The following PARD3 variants were observed in gnomAD, a reference collection of about 807,000 sequenced individuals.
PARD3 encodes the protein par-3 family cell polarity regulator.
PARD3 carries 75 observed loss-of-function variants against 155.4 expected under a neutral mutation model. The ratio of observed to expected loss-of-function variants is 0.48; its 90% CI spans 0.40 to 0.58. The LOEUF (loss-of-function observed/expected upper bound fraction) is 0.58. Among genes scored for constraint, PARD3 ranks in the 20% least tolerant of loss-of-function variants. PARD3 has a pLI of 0.00. For missense variants in PARD3, 1,642 were observed against 1,721.7 expected, an observed-to-expected ratio of 0.95 and a Z score of 0.82; for synonymous variants, 576 against 610.5, an observed-to-expected ratio of 0.94 and a Z score of 0.83.
chr10:34,545,591 G>A (rs2083979655), intron 2 of PARD3, among the ~76,000 whole-genome samples: 3 of 152,168 alleles, frequency 2.0e-5, no homozygotes, highest in Admixed American at 2.0e-4. Context: ...GTCTCGCTCT[G>A]TCGCCCAGGC....
chr10:34,317,997 G>A (rs1958117022), intron 19 of PARD3, among the ~76,000 whole-genome samples: 1 of 152,176 alleles, frequency 6.6e-6, no homozygotes, highest in Non-Finnish European at 1.5e-5. Context: ...ATGCCTATCT[G>A]CATCATGGCG....
At position 34,435,078 on chromosome 10, in the gene PARD3, A is replaced by C. The variant is rs376555015; in HGVS notation, c.714+15239T>G. On this transcript the variant is annotated intron_variant, in intron 5 of 24. Coordinates refer to ENST00000374788, the MANE Select transcript of PARD3 (RefSeq NM_001184785.2). ...AAACATTCTGTCATTCTAAACACTT[A>C]CATGCAATTTCAGAAATTCCACATT... Among the ~76,000 whole-genome samples the C allele has an allele frequency of 1.4e-4, 22 of 152,354 alleles. No individual in the cohort carries two copies. The East Asian group carries it at 3.9e-3, about 27-fold the overall frequency.
At chr10:34,506,838 T>C (rs1171061532) in intron 3 of PARD3, among the ~76,000 whole-genome samples, 2 of 152,172 alleles carry the variant, frequency 1.3e-5, no homozygotes, top group Non-Finnish European at 2.9e-5. Flanking sequence ...TTCATTGTGA[T>C]TGCAAATATC....
At chr10:34,661,942 C>T (rs1564474144) in intron 2 of PARD3, among the ~76,000 whole-genome samples, 1 of 152,122 alleles carries the variant, frequency 6.6e-6, no homozygotes, top group Non-Finnish European at 1.5e-5. Flanking sequence ...ACCTTGAAAG[C>T]CCCACTGGAA....
At chr10:34,284,890 C>A (rs1036494108) in intron 20 of PARD3, among the ~76,000 whole-genome samples, 1 of 152,166 alleles carries the variant, frequency 6.6e-6, no homozygotes, top group African/African-American at 2.4e-5. Flanking sequence ...CACATCTGAT[C>A]AAAAACAAAC....
At chr10:34,387,274 AATATAT>A (rs530206535) in intron 7 of PARD3, among the ~76,000 whole-genome samples, 2 of 152,284 alleles carry the variant, frequency 1.3e-5, no homozygotes, top group Non-Finnish European at 1.5e-5. Context: ...TTTTACAAAA[AATATAT>A]ATATAAACGG....
Position 34,256,177 on chromosome 10 carries a change from A to G in PARD3, c.3419+13480T>C, listed in dbSNP as rs527996711. ...CTAATTATTCACTAATTCAGACTTT[A>G]TATCATTTCCTCTACTTAGATGGAC... On this transcript the variant is annotated intron_variant, in intron 22 of 24. Coordinates refer to ENST00000374788, the MANE Select transcript of PARD3 (RefSeq NM_001184785.2). Among the ~76,000 whole-genome samples, 11 of 152,370 alleles carry G rather than the reference A, an allele frequency of 7.2e-5. No individual in the cohort carries two copies. In the East Asian group the frequency reaches 1.9e-3, roughly 27 times the overall value.
intron 22 of PARD3, among the ~76,000 whole-genome samples, chr10:34,167,803 T>C (rs1016915417): frequency 3.9e-5 from 6 of 152,228 alleles, no homozygotes; most frequent in Admixed American, 1.3e-4. Context: ...TTATAAGATG[T>C]ATTTAATTTC....
intron 22 of PARD3, among the ~76,000 whole-genome samples, chr10:34,136,069 T>C (rs1357557995): frequency 1.3e-5 from 2 of 152,230 alleles, no homozygotes; most frequent in African/African-American, 4.8e-5. Flanking sequence ...TTTTGTCCAT[T>C]GTTGGCTAGC....
intron 2 of PARD3, among the ~76,000 whole-genome samples, chr10:34,562,335 G>A (rs938528347): frequency 1.3e-5 from 2 of 151,886 alleles, no homozygotes; most frequent in African/African-American, 4.8e-5. Flanking sequence ...TACTCAGGAG[G>A]CTGAGGCAGG....
intron 1 of PARD3, among the ~76,000 whole-genome samples, chr10:34,744,470 C>T (rs1312493078): frequency 2.6e-5 from 4 of 152,248 alleles, no homozygotes; most frequent in Non-Finnish European, 5.9e-5. Flanking sequence ...GCTTTGAGGT[C>T]TGCCTTCCAG....
intron 1 of PARD3, among the ~76,000 whole-genome samples, chr10:34,712,966 T>C (rs951026380): frequency 6.6e-6 from 1 of 152,188 alleles, no homozygotes; most frequent in Non-Finnish European, 1.5e-5. Context: ...CACAGCACTT[T>C]GGGAGGCCAA....
intron 2 of PARD3, among the ~76,000 whole-genome samples, chr10:34,634,464 C>G (rs2092395489): frequency 6.6e-6 from 1 of 152,126 alleles, no homozygotes; most frequent in Non-Finnish European, 1.5e-5. Context: ...TATTTATTTT[C>G]CAGTTTACAC....
intron 22 of PARD3, among the ~76,000 whole-genome samples, chr10:34,179,168 G>GCACACACACACA (rs72378504): frequency 2.2e-4 from 21 of 94,534 alleles, no homozygotes; most frequent in African/African-American, 1.4e-3. Context: ...GTGCGTGCGC[G>GCACACACACACA]CACACACACA....
chr10:34,266,761 G>A (rs1022603576), intron 22 of PARD3, among the ~76,000 whole-genome samples: 1 of 152,214 alleles, frequency 6.6e-6, no homozygotes, highest in Non-Finnish European at 1.5e-5. Context: ...AGGAGGCTGA[G>A]TTTCAGTTTG....
At chr10:34,343,462 T>C (rs572803129) in intron 15 of PARD3, 9 of 982,272 alleles carry the variant, frequency 9.2e-6, no homozygotes, top group Non-Finnish European at 1.1e-5. Flanking sequence ...TATACATAGA[T>C]AAATGGCAAG....
chr10:34,449,559 A>C (rs1191910333), intron 5 of PARD3, among the ~76,000 whole-genome samples: 1 of 151,144 alleles, frequency 6.6e-6, no homozygotes, highest in Non-Finnish European at 1.5e-5. Context: ...TATGTAACAA[A>C]TCTGCACATT....
intron 3 of PARD3, among the ~76,000 whole-genome samples, chr10:34,497,041 C>T (rs1293126609): frequency 1.3e-5 from 2 of 152,032 alleles, no homozygotes; most frequent in Non-Finnish European, 2.9e-5. Flanking sequence ...ATTGTTAGAG[C>T]TGATAGTTGA....
chr10:34,599,143 T>A (rs1438980185), intron 2 of PARD3, among the ~76,000 whole-genome samples: 3 of 152,106 alleles, frequency 2.0e-5, no homozygotes, highest in Non-Finnish European at 4.4e-5. Context: ...AGCAACCGCA[T>A]CCCCACTTCC....
Sources: allele counts gnomAD v4.1 joint callset (sites outside exome capture counted in the v4.1 genomes callset), GRCh38; gene constraint gnomAD v4.1.1; transcripts MANE v1.5; gene names NCBI Gene and HGNC (gene_info 2026-07-23, HGNC 2026-07-21).